Variants in BTBD9 observed in about 807,000 individuals in gnomAD.
BTBD9 encodes the protein BTB/POZ domain-containing protein 9.
BTBD9 carries 49 observed loss-of-function variants against 64.3 expected under a neutral mutation model. The observed-to-expected ratio is 0.76, with a 90% CI of 0.61 to 0.97. The LOEUF is 0.97. BTBD9 is among the 50% of genes least tolerant of loss of function. The pLI is 0.00. For synonymous variants in BTBD9, 260 were observed against 274.7 expected, an observed-to-expected ratio of 0.95 and a Z score of 0.53; for missense variants, 598 against 762.1, an observed-to-expected ratio of 0.78 and a Z score of 2.53.
intron 6 of BTBD9, among the ~76,000 whole-genome samples, chr6:38,481,368 C>T (rs780563330): frequency 1.3e-5 from 2 of 152,130 alleles, no homozygotes; most frequent in Non-Finnish European, 2.9e-5. Context: ...AATTGTATTC[C>T]CAGTTGATAC....
chr6:38,513,747 T>C (rs532644040), intron 6 of BTBD9, among the ~76,000 whole-genome samples: 1 of 152,308 alleles, frequency 6.6e-6, no homozygotes, highest in South Asian at 2.1e-4. Flanking sequence ...ATGCCATGAC[T>C]AGACATATTC....
intron 6 of BTBD9, among the ~76,000 whole-genome samples, chr6:38,396,099 G>C (rs190446749): frequency 2.7e-4 from 41 of 152,068 alleles, no homozygotes; most frequent in Non-Finnish European, 1.5e-5. Flanking sequence ...AGGTGACTGA[G>C]GTAAGAAGTT....
At position 38,612,162 on chromosome 6, in the gene BTBD9, T is replaced by C. The variant is rs144434261; in HGVS notation, c.-27-14041A>G. On this transcript the variant is annotated intron_variant, in intron 1 of 10. Transcript: ENST00000481247. ...ACACAGGAAGGGTAGGACTCTGTTC[T>C]TTCTACACTTCTATGTTATTTAGTT... Among the ~76,000 whole-genome samples the C allele has an allele frequency of 5.7e-3, 871 of 152,364 alleles. 8 individuals are homozygous for C. The highest frequency in any genetic ancestry group is 0.019 in the African/African-American group (803 of 41,578).
At chr6:38,444,161 G>T (rs1468977860) in intron 6 of BTBD9, among the ~76,000 whole-genome samples, 1 of 152,150 alleles carries the variant, frequency 6.6e-6, no homozygotes, top group Non-Finnish European at 1.5e-5. Context: ...TCTAGAAGAG[G>T]TTAAATCCCC....
intron 7 of BTBD9, among the ~76,000 whole-genome samples, chr6:38,295,645 A>G (rs999572003): frequency 2.0e-5 from 3 of 152,196 alleles, no homozygotes; most frequent in Non-Finnish European, 4.4e-5. Flanking sequence ...AAATATGACT[A>G]ATTTCCCCAA....
intron 6 of BTBD9, among the ~76,000 whole-genome samples, chr6:38,489,797 G>A (rs1395591460): frequency 6.6e-6 from 1 of 152,190 alleles, no homozygotes; most frequent in Non-Finnish European, 1.5e-5. Context: ...TATTCCCAAT[G>A]TCACACGTCC....
intron 9 of BTBD9, among the ~76,000 whole-genome samples, chr6:38,201,826 G>T (rs1342585340): frequency 6.6e-6 from 1 of 152,074 alleles, no homozygotes; most frequent in Non-Finnish European, 1.5e-5. Flanking sequence ...AGTCAAGAAG[G>T]CAATCCCATT....
intron 9 of BTBD9, among the ~76,000 whole-genome samples, chr6:38,219,156 G>A (rs1763113206): frequency 9.9e-6 from 1 of 101,474 alleles, no homozygotes; most frequent in African/African-American, 4.0e-5. Flanking sequence ...TTTTTTTTGA[G>A]ACCGAGTCTT....
chr6:38,322,492 T>A (rs16890552), intron 7 of BTBD9, among the ~76,000 whole-genome samples: 1 of 152,092 alleles, frequency 6.6e-6, no homozygotes, highest in Non-Finnish European at 1.5e-5. Context: ...AAATCTGCAA[T>A]TGGGGAACCA....
intron 6 of BTBD9, among the ~76,000 whole-genome samples, chr6:38,575,528 A>G (rs1006767841): frequency 2.1e-4 from 32 of 152,348 alleles, no homozygotes; most frequent in African/African-American, 6.7e-4. Flanking sequence ...GAAGAAGTGC[A>G]GTTAGAACAT....
At chr6:38,231,023 T>G (rs1355349642) in intron 9 of BTBD9, among the ~76,000 whole-genome samples, 1 of 152,224 alleles carries the variant, frequency 6.6e-6, no homozygotes, top group Non-Finnish European at 1.5e-5. Flanking sequence ...GTTCAATGCC[T>G]AAGACTTCAT....
chr6:38,326,049 T>C (rs1174515497), intron 7 of BTBD9, among the ~76,000 whole-genome samples: 1 of 152,034 alleles, frequency 6.6e-6, no homozygotes. Flanking sequence ...ACTAAGAAAC[T>C]TTACCAAGAC....
chr6:38,385,278 G>A (rs751581783), intron 6 of BTBD9, among the ~76,000 whole-genome samples: 14 of 149,410 alleles, frequency 9.4e-5, no homozygotes, highest in Non-Finnish European at 1.8e-4. Context: ...TGCAACCTCC[G>A]CCTCTGGCTC....
At chr6:38,429,527 A>T (rs1230371113) in intron 6 of BTBD9, among the ~76,000 whole-genome samples, 1 of 151,794 alleles carries the variant, frequency 6.6e-6, no homozygotes. Context: ...CCTTGCACAC[A>T]TACGTACTTA....
At chr6:38,245,899 G>T (rs1272986228) in intron 9 of BTBD9, among the ~76,000 whole-genome samples, 1 of 152,140 alleles carries the variant, frequency 6.6e-6, no homozygotes, top group Non-Finnish European at 1.5e-5. Context: ...TTTTATTGAG[G>T]TATGCTTCAT....
In BTBD9 at chr6:38,210,576, GTCTGCA is replaced by G. The variant is rs368580800; in HGVS notation, c.1563-17985_1563-17980del. Among the ~76,000 whole-genome samples, 5 of 139,524 alleles carry G rather than the reference GTCTGCA, an allele frequency of 3.6e-5. No homozygotes were observed. In the East Asian group the frequency reaches 8.3e-4, roughly 23 times the overall value. 91.5% of individuals were successfully genotyped at this position (139,524 alleles called of 152,430 possible). ...TGTGTGTGTGTGTGTGTGTGTGTGT[GTCTGCA>G]TCTGGGCAAGAGTTTTTGTGTAGTA... On this transcript the variant is annotated intron_variant, in intron 9 of 10. Transcript: ENST00000481247.
intron 6 of BTBD9, among the ~76,000 whole-genome samples, chr6:38,349,576 T>C (rs1207215353): frequency 6.6e-6 from 1 of 152,182 alleles, no homozygotes; most frequent in African/African-American, 2.4e-5. Context: ...TCTCTCACTG[T>C]GCTTAATTTA....
intron 7 of BTBD9, among the ~76,000 whole-genome samples, chr6:38,317,684 A>G (rs1271288879): frequency 6.6e-6 from 1 of 151,760 alleles, no homozygotes; most frequent in East Asian, 1.9e-4. Context: ...CTTCTTTTTT[A>G]TCCTGTTCTG....
intron 6 of BTBD9, among the ~76,000 whole-genome samples, chr6:38,378,282 C>T (rs1395905540): frequency 4.1e-5 from 6 of 147,310 alleles, no homozygotes; most frequent in South Asian, 2.1e-4. Flanking sequence ...CTTGCTGTGT[C>T]GCCCAGGCTG....
Sources: gnomAD v4.1 joint callset for allele counts (sites outside exome capture counted in the v4.1 genomes callset) on GRCh38, gnomAD v4.1.1 for gene constraint, MANE v1.5 for transcripts, NCBI Gene and HGNC (gene_info 2026-07-23, HGNC 2026-07-21) for gene names.